GPC5: variants seen among roughly 807,000 people sequenced by gnomAD.
GPC5 encodes glypican 5, also known as glypican-5.
In GPC5, 47 loss-of-function variants were observed where a neutral mutation model predicts 53.9. The ratio of observed to expected loss-of-function variants is 0.87; its 90% CI spans 0.69 to 1.11. The LOEUF is 1.11. Among genes scored for constraint, GPC5 ranks in the 50% most tolerant of loss-of-function variants. The pLI is 0.00. For synonymous variants in GPC5, 286 were observed against 263.3 expected, an observed-to-expected ratio of 1.09 and a Z score of -0.84; for missense variants, 748 against 713.1, an observed-to-expected ratio of 1.05 and a Z score of -0.56.
intron 6 of GPC5, among the ~76,000 whole-genome samples, chr13:92,000,679 A>T (rs918360129): frequency 6.6e-6 from 1 of 152,176 alleles, no homozygotes; most frequent in African/African-American, 2.4e-5. Flanking sequence ...TCTGGGGAAC[A>T]CACTGATTGT....
intron 7 of GPC5, among the ~76,000 whole-genome samples, chr13:92,561,755 G>C (rs1882702382): frequency 6.6e-6 from 1 of 152,122 alleles, no homozygotes; most frequent in African/African-American, 2.4e-5. Flanking sequence ...AGAAAGTTTA[G>C]AAGAAAAGAG....
intron 7 of GPC5, among the ~76,000 whole-genome samples, chr13:92,174,003 G>T (rs1180024789): frequency 6.6e-6 from 1 of 152,102 alleles, no homozygotes; most frequent in Non-Finnish European, 1.5e-5. Flanking sequence ...TACTGAGGAA[G>T]TTGAGGTGGG....
chr13:91,792,830 G>A (rs1458829010), intron 5 of GPC5, among the ~76,000 whole-genome samples: 1 of 152,178 alleles, frequency 6.6e-6, no homozygotes, highest in Non-Finnish European at 1.5e-5. Context: ...ATTTTATACA[G>A]CATGTGGTTG....
intron 2 of GPC5, among the ~76,000 whole-genome samples, chr13:91,465,183 C>T (rs1036984273): frequency 2.6e-5 from 4 of 152,204 alleles, no homozygotes; most frequent in Non-Finnish European, 4.4e-5. Flanking sequence ...TTCTTGATCT[C>T]ATTCACACTC....
chr13:91,926,649 T>C (rs2039771754), intron 6 of GPC5, among the ~76,000 whole-genome samples: 1 of 152,120 alleles, frequency 6.6e-6, no homozygotes. Flanking sequence ...AAGCTACCCC[T>C]TTGGCTTAAG....
chr13:92,447,830 A>C (rs543725374), intron 7 of GPC5: 8 of 152,188 alleles, frequency 5.3e-5, no homozygotes, highest in Non-Finnish European at 1.0e-4. Context: ...TTCCAACATA[A>C]TTAGTCATCT....
intron 7 of GPC5, among the ~76,000 whole-genome samples, chr13:92,477,572 C>T (rs1474446887): frequency 6.6e-6 from 1 of 152,100 alleles, no homozygotes; most frequent in Non-Finnish European, 1.5e-5. Flanking sequence ...AACATAAAAC[C>T]GGGGCATTAG....
chr13:91,955,244 T>A (rs931751347), intron 6 of GPC5, among the ~76,000 whole-genome samples: 2 of 152,170 alleles, frequency 1.3e-5, no homozygotes, highest in African/African-American at 4.8e-5. Flanking sequence ...TCTAAATCAA[T>A]TGGAGGAACG....
At chr13:91,567,561 G>C (rs1210362353) in intron 2 of GPC5, among the ~76,000 whole-genome samples, 1 of 152,136 alleles carries the variant, frequency 6.6e-6, no homozygotes, top group Non-Finnish European at 1.5e-5. Context: ...CACACAAGTT[G>C]TTTTCAGAAG....
intron 2 of GPC5, among the ~76,000 whole-genome samples, chr13:91,669,190 C>T (rs2035186982): frequency 6.6e-6 from 1 of 151,888 alleles, no homozygotes; most frequent in Non-Finnish European, 1.5e-5. Flanking sequence ...ATTACTGTGC[C>T]CCCCCGACAT....
chr13:92,788,243 T>C (rs1375332682), intron 7 of GPC5, among the ~76,000 whole-genome samples: 5 of 151,938 alleles, frequency 3.3e-5, no homozygotes, highest in Non-Finnish European at 7.4e-5. Flanking sequence ...TCTCAGATGA[T>C]AGTGTAAAAA....
At chr13:92,577,418 A>ATATGTGTGTGTGTGTG (rs1883222951) in intron 7 of GPC5, among the ~76,000 whole-genome samples, 1 of 145,346 alleles carries the variant, frequency 6.9e-6, no homozygotes, top group Non-Finnish European at 1.5e-5. Flanking sequence ...ATGTATGTAT[A>ATATGTGTGTGTGTGTG]TGTGTGTGTG....
intron 2 of GPC5, among the ~76,000 whole-genome samples, chr13:91,632,818 TC>T (rs1367464847): frequency 1.3e-5 from 2 of 152,098 alleles, no homozygotes; most frequent in Non-Finnish European, 2.9e-5. Flanking sequence ...CCTCCCTAAT[TC>T]CCCAGGGTAA....
intron 2 of GPC5, among the ~76,000 whole-genome samples, chr13:91,526,555 A>G (rs1380818760): frequency 6.6e-6 from 1 of 152,170 alleles, no homozygotes; most frequent in Non-Finnish European, 1.5e-5. Context: ...TTTTGCTTTT[A>G]TCTTAGCTTT....
At chr13:92,290,660 A>T (rs1252976842) in intron 7 of GPC5, among the ~76,000 whole-genome samples, 3 of 152,106 alleles carry the variant, frequency 2.0e-5, no homozygotes, top group African/African-American at 7.2e-5. Context: ...CATGCCATTA[A>T]CTCATTCCTT....
chr13:92,308,433 A>G (rs554995642), intron 7 of GPC5, among the ~76,000 whole-genome samples: 1 of 152,286 alleles, frequency 6.6e-6, no homozygotes, highest in South Asian at 2.1e-4. Context: ...CAGTTCTTCA[A>G]CATCTACGAG....
At chr13:92,445,450 A>T (rs548158690) in intron 7 of GPC5, among the ~76,000 whole-genome samples, 1 of 148,328 alleles carries the variant, frequency 6.7e-6, no homozygotes, top group South Asian at 2.2e-4. Flanking sequence ...TATCTCCTAA[A>T]GCTATCCCTC....
intron 1 of GPC5, among the ~76,000 whole-genome samples, chr13:91,431,915 T>A (rs1451597358): frequency 1.3e-5 from 2 of 152,202 alleles, no homozygotes; most frequent in Admixed American, 6.5e-5. Flanking sequence ...TGTGTATAGA[T>A]CAGTTGAAGC....
rs2043785941 is a variant in GPC5 at position 92,385,371 on chromosome 13, T to TACATATATACATATATACATATATAC, written c.1561+240399_1561+240400insCATATATACACATATATACATATATA. ...ACATATATACATATATACATATATA[T>TACATATATACATATATACATATATAC]ACATATATACATATATATACATATA... On this transcript the variant is annotated intron_variant, in intron 7 of 7. Coordinates refer to ENST00000377067, the MANE Select transcript of GPC5 (RefSeq NM_004466.6). Among the ~76,000 whole-genome samples, 4 of 79,546 alleles carry TACATATATACATATATACATATATAC rather than the reference T, an allele frequency of 5.0e-5. 2 individuals are homozygous for TACATATATACATATATACATATATAC. Among genetic ancestry groups the TACATATATACATATATACATATATAC allele is most frequent in the Non-Finnish European group, 9.9e-5 (4 of 40,238 alleles). 52.2% of individuals were successfully genotyped at this position (79,546 alleles called of 152,430 possible). A position where few individuals can be genotyped will look rare whatever the true frequency, so the allele number is the denominator to read the frequency against.
Sources: allele counts gnomAD v4.1 joint callset (sites outside exome capture counted in the v4.1 genomes callset), GRCh38; gene constraint gnomAD v4.1.1; transcripts MANE v1.5; gene names NCBI Gene and HGNC (gene_info 2026-07-23, HGNC 2026-07-21).